PTPRN2: variants seen among roughly 807,000 people sequenced by gnomAD.
PTPRN2 encodes the protein protein tyrosine phosphatase receptor type N2.
A neutral mutation model predicts 118.8 loss-of-function variants in PTPRN2; 74 were observed. That is an observed-to-expected ratio of 0.62 (90% CI 0.52 to 0.76). The LOEUF is 0.76. Ranked by LOEUF, PTPRN2 falls within the 30% of genes least tolerant of loss-of-function variation. The pLI, the probability that PTPRN2 is intolerant of heterozygous loss-of-function variation, is 0.00. For missense variants in PTPRN2, 1,481 were observed against 1,394.4 expected (o/e 1.06, Z -0.99); for synonymous variants, 641 against 608.0 (o/e 1.05, Z -0.80).
At chr7:158,553,366 G>A (rs1014379871) in intron 1 of PTPRN2, among the ~76,000 whole-genome samples, 2 of 147,124 alleles carry the variant, frequency 1.4e-5, no homozygotes, top group Non-Finnish European at 3.0e-5. Context: ...CCTTCCCTGT[G>A]TATATGCACA....
chr7:157,651,551 T>G (rs1367428959), intron 14 of PTPRN2, among the ~76,000 whole-genome samples: 1 of 152,202 alleles, frequency 6.6e-6, no homozygotes, highest in Non-Finnish European at 1.5e-5. Flanking sequence ...CCCGGCCGAC[T>G]CAGGCGTAAT....
intron 11 of PTPRN2, among the ~76,000 whole-genome samples, chr7:158,048,617 C>T (rs887061269): frequency 1.0e-5 from 1 of 99,004 alleles, no homozygotes; most frequent in Non-Finnish European, 2.2e-5. Flanking sequence ...AATCACATCA[C>T]CACTACCACC....
intron 14 of PTPRN2, among the ~76,000 whole-genome samples, chr7:157,643,828 G>A (rs1157676686): frequency 6.6e-6 from 1 of 152,242 alleles, no homozygotes; most frequent in Non-Finnish European, 1.5e-5. Flanking sequence ...AGGCCTCGAA[G>A]GTTCGTCACC....
In PTPRN2 at chr7:157,801,312, G is replaced by A. The variant is rs80183454; in HGVS notation, c.1788+97361C>T. On this transcript the variant is annotated intron_variant, in intron 12 of 22. Transcript: ENST00000389418. This position sits in a 1 kb window ranked among gnomAD's most constrained non-coding sequence, Gnocchi z 4.2. Reference sequence around the variant, plus strand: ...CTCGACCCCTGTTAGGAGCAACGGCGGTGAGGCAGGATGAACGGCCTCATC... The same window carrying A: ...CTCGACCCCTGTTAGGAGCAACGGCAGTGAGGCAGGATGAACGGCCTCATC... Among the ~76,000 whole-genome samples the A allele has an allele frequency of 9.4e-3, 1,424 of 152,294 alleles. 29 individuals are homozygous for A. The highest frequency in any genetic ancestry group is 0.032 in the African/African-American group (1,346 of 41,550).
rs1043473081 is a variant in PTPRN2, at chr7:157,610,756, C to A, written c.2345-6681G>T. Among the ~76,000 whole-genome samples the A allele has an allele frequency of 1.3e-5, 2 of 152,194 alleles. No individual in the cohort carries two copies. The highest frequency in any genetic ancestry group is 2.9e-5 in the Non-Finnish European group (2 of 68,026). ...CTGGGCACTTGAAGACCAGCAACAG[C>A]GTGATGACAGAACGCATTCTGAAGG... On this transcript the variant is annotated intron_variant, in intron 15 of 22. Coordinates refer to ENST00000389418, the MANE Select transcript of PTPRN2 (RefSeq NM_002847.5). This position sits in a 1 kb window ranked among gnomAD's most constrained non-coding sequence, Gnocchi z 5.1.
intron 11 of PTPRN2, among the ~76,000 whole-genome samples, chr7:158,008,146 AGT>A (rs143545915): frequency 0.83 from 121,191 of 146,172 alleles, 49,905 homozygotes; most frequent in East Asian, 0.88. Flanking sequence ...CACATGTGTG[AGT>A]GTGTGTGGGT....
At chr7:158,396,679 C>CGT (rs768471318) in intron 2 of PTPRN2, among the ~76,000 whole-genome samples, 1 of 152,202 alleles carries the variant, frequency 6.6e-6, no homozygotes, top group South Asian at 2.1e-4. Flanking sequence ...TTTGTGTGCA[C>CGT]GTGTGTGTGC....
intron 3 of PTPRN2, among the ~76,000 whole-genome samples, chr7:158,289,738 T>G (rs556388927): frequency 2.0e-5 from 3 of 152,152 alleles, no homozygotes; most frequent in African/African-American, 7.2e-5. Context: ...TTTGTTGTTG[T>G]TGTTGTTGTT....
chr7:157,991,584 G>C (rs938999610), intron 11 of PTPRN2, among the ~76,000 whole-genome samples: 1 of 152,218 alleles, frequency 6.6e-6, no homozygotes, highest in Non-Finnish European at 1.5e-5. Flanking sequence ...GGGCGAGGGA[G>C]GGCGGACCTG....
rs547288931 is a variant in PTPRN2 at position 157,661,248 on chromosome 7, A to G, written c.2002-4697T>C. ...TCTTCTTGAAGGTCTTAACTTTTTC[A>G]AAGGAGGGAAACTGCGATAAAGATC... On this transcript the variant is annotated intron_variant, in intron 13 of 22. Coordinates refer to ENST00000389418, the MANE Select transcript of PTPRN2 (RefSeq NM_002847.5). Among the ~76,000 whole-genome samples the G allele has an allele frequency of 1.2e-3, 184 of 152,334 alleles. 1 individual carries two copies. The highest frequency in any genetic ancestry group is 1.9e-3 in the Non-Finnish European group (131 of 68,020).
chr7:158,562,294 T>C (rs1384011992), intron 1 of PTPRN2, among the ~76,000 whole-genome samples: 3 of 152,126 alleles, frequency 2.0e-5, no homozygotes, highest in Non-Finnish European at 4.4e-5. Flanking sequence ...AGCTGCCTTA[T>C]TAGTGACTGA....
rs1799793578 is a variant in PTPRN2 at position 157,729,821 on chromosome 7, G to A, written c.1789-46884C>T. Among the ~76,000 whole-genome samples, 1 of 152,172 alleles carries A rather than the reference G, an allele frequency of 6.6e-6. No homozygotes were observed. Among genetic ancestry groups the A allele is most frequent in the Non-Finnish European group, 1.5e-5 (1 of 68,022 alleles). On this transcript the variant is annotated intron_variant, in intron 12 of 22. Coordinates refer to ENST00000389418, the MANE Select transcript of PTPRN2 (RefSeq NM_002847.5). This position sits in a 1 kb window ranked among gnomAD's most constrained non-coding sequence, Gnocchi z 4.3. Reference sequence around the variant, plus strand: ...CCACCTGCTGGCCACGTGGAGGACGGGGAGCGGCAGGCGGATGAGGGAAGG... The same window carrying A: ...CCACCTGCTGGCCACGTGGAGGACGAGGAGCGGCAGGCGGATGAGGGAAGG...
chr7:158,059,837 G>T (rs1810173199), intron 11 of PTPRN2, among the ~76,000 whole-genome samples: 1 of 125,728 alleles, frequency 8.0e-6, no homozygotes, highest in South Asian at 2.9e-4. Context: ...TCTGCACACG[G>T]TGAGACATCA....
intron 16 of PTPRN2, among the ~76,000 whole-genome samples, chr7:157,597,484 G>GTTT (rs572378771): frequency 0.059 from 8,564 of 145,654 alleles, 273 homozygotes; most frequent in African/African-American, 0.078. Flanking sequence ...GTGTGTGTGT[G>GTTT]TTTTTTTTTT....
At chr7:157,592,966 C>T (rs1801080156) in intron 17 of PTPRN2, among the ~76,000 whole-genome samples, 1 of 135,778 alleles carries the variant, frequency 7.4e-6, no homozygotes, top group African/African-American at 3.0e-5. Context: ...TGGATGTGGG[C>T]ATCATCGTGG....
At chr7:157,561,006 C>T (rs1409229632) in intron 21 of PTPRN2, among the ~76,000 whole-genome samples, 3 of 152,200 alleles carry the variant, frequency 2.0e-5, no homozygotes, top group African/African-American at 7.2e-5. Context: ...CTGGCTCAAC[C>T]CTCTCCTGGG....
At chr7:157,936,951 A>G (rs1799745465) in intron 11 of PTPRN2, among the ~76,000 whole-genome samples, 1 of 152,202 alleles carries the variant, frequency 6.6e-6, no homozygotes, top group Non-Finnish European at 1.5e-5. Context: ...CTCATCTGTA[A>G]AAAGTATTCT....
At chr7:157,564,808 C>G (rs767911651) in intron 21 of PTPRN2, among the ~76,000 whole-genome samples, 1 of 152,240 alleles carries the variant, frequency 6.6e-6, no homozygotes, top group Non-Finnish European at 1.5e-5. Context: ...TGTGGCGATT[C>G]CGCCCCAGGG....
intron 2 of PTPRN2, among the ~76,000 whole-genome samples, chr7:158,342,079 C>A: frequency 7.4e-6 from 1 of 134,940 alleles, no homozygotes; most frequent in Non-Finnish European, 1.6e-5. Flanking sequence ...ACACTCTCAC[C>A]AGAAGGGGTG....
Sources: gnomAD v4.1 joint callset for allele counts (sites outside exome capture counted in the v4.1 genomes callset) on GRCh38, gnomAD v4.1.1 for gene constraint, Gnocchi (gnomAD v3.1) non-coding constraint, MANE v1.5 for transcripts, NCBI Gene and HGNC (gene_info 2026-07-23, HGNC 2026-07-21) for gene names.